Variants in KIAA0825 observed in about 807,000 individuals in gnomAD.
KIAA0825 encodes the protein KIAA0825.
KIAA0825 carries 119 observed loss-of-function variants against 147.6 expected under a neutral mutation model. The observed-to-expected ratio is 0.81, with a 90% confidence interval of 0.69 to 0.94. The LOEUF is 0.94. Ranked by LOEUF, KIAA0825 falls within the 40% of genes least tolerant of loss-of-function variation. The pLI is 0.00. For missense variants in KIAA0825, 1,381 were observed against 1,472.7 expected (o/e 0.94, Z 1.02); for synonymous variants, 470 against 518.1 (o/e 0.91, Z 1.26).
intron 20 of KIAA0825, among the ~76,000 whole-genome samples, chr5:94,314,191 G>T (rs943224676): frequency 6.6e-6 from 1 of 151,610 alleles, no homozygotes; most frequent in Admixed American, 6.6e-5. Flanking sequence ...TGAAAGCAAA[G>T]GTGGCAATTA....
rs184316220 is a variant in KIAA0825, at chr5:94,236,910, C to T, written c.3711-82786G>A. ...ATGCTATTGCACACTTAATAGACTA[C>T]AGTATAGTGTAAACGTAAGTGTTAT... is the stretch of plus-strand genomic sequence containing the variant. On this transcript the variant is annotated intron_variant, in intron 20 of 20. Transcript: ENST00000682413. 2.0e-5 allele frequency among the ~76,000 whole-genome samples: 3 copies of T among 152,268 alleles called. No homozygotes were observed. In the East Asian group the frequency reaches 5.8e-4, roughly 29 times the overall value.
intron 14 of KIAA0825, among the ~76,000 whole-genome samples, chr5:94,422,745 A>G (rs1048596995): frequency 3.3e-5 from 5 of 152,122 alleles, no homozygotes; most frequent in Non-Finnish European, 7.3e-5. Context: ...AGTGAAAGAG[A>G]TGAATGTCAA....
chr5:94,606,846 CAGGAGGCTTACA>C, intron 1 of KIAA0825, among the ~76,000 whole-genome samples: 1 of 152,266 alleles, frequency 6.6e-6, no homozygotes, highest in South Asian at 2.1e-4. Context: ...GGTGAGGCCT[CAGGAGGCTTACA>C]GTCATGGCAG....
intron 14 of KIAA0825, among the ~76,000 whole-genome samples, chr5:94,421,312 G>A (rs904116988): frequency 6.6e-6 from 1 of 152,260 alleles, no homozygotes; most frequent in African/African-American, 2.4e-5. Flanking sequence ...CCCCAGAACA[G>A]TGGCCTTAGC....
At chr5:94,287,239 G>A (rs1045995561) in intron 20 of KIAA0825, among the ~76,000 whole-genome samples, 31 of 152,070 alleles carry the variant, frequency 2.0e-4, no homozygotes, top group African/African-American at 6.8e-4. Context: ...TCAGTCTTCC[G>A]ACTGATAGCT....
intron 3 of KIAA0825, among the ~76,000 whole-genome samples, chr5:94,526,945 A>G (rs769034563): frequency 1.3e-5 from 2 of 151,990 alleles, no homozygotes; most frequent in Non-Finnish European, 2.9e-5. Flanking sequence ...GGGAGGTGTA[A>G]AAAGGTTTTT....
Position 94,550,585 on chromosome 5 carries a change from G to A in KIAA0825, c.-1-13458C>T, listed in dbSNP as rs548695636. 3.9e-4 allele frequency among the ~76,000 whole-genome samples: 60 copies of A among 152,296 alleles called. 1 individual carries two copies. Among genetic ancestry groups the A allele is most frequent in the African/African-American group, 1.4e-3 (59 of 41,548 alleles). ...CAATAATTCACGGTAGCTCACACCT[G>A]TAATCCCAGCACTTTGGGAGGCCGA... On this transcript the variant is annotated intron_variant, in intron 2 of 20. Transcript: ENST00000682413.
intron 20 of KIAA0825, among the ~76,000 whole-genome samples, chr5:94,196,316 C>G (rs931056789): frequency 1.1e-4 from 17 of 152,126 alleles, no homozygotes; most frequent in Admixed American, 5.2e-4. Flanking sequence ...ATCTTGAGGT[C>G]AGCTTTTGGA....
At chr5:94,558,848 A>T (rs1402806702) in intron 2 of KIAA0825, among the ~76,000 whole-genome samples, 1 of 152,246 alleles carries the variant, frequency 6.6e-6, no homozygotes, top group Non-Finnish European at 1.5e-5. Flanking sequence ...TACCGGGAAG[A>T]AAGCAATGTC....
Position 94,520,280 on chromosome 5 carries a change from G to C in KIAA0825, c.938C>G (p.Ser313Cys). The C allele has an allele frequency of 6.2e-7, 1 of 1,612,750 alleles. No individual in the cohort carries two copies. The highest frequency in any genetic ancestry group is 8.5e-7 in the Non-Finnish European group (1 of 1,179,246). Residue 313 changes from serine (S) to cysteine (C), a missense_variant, in exon 5 of 21, where the codon TCC (serine) becomes TGC (cysteine). Coordinates refer to ENST00000682413, the MANE Select transcript of KIAA0825 (RefSeq NM_001145678.3). ...AVRVVKTSKS[S>C]SKHRGAVHAL... is the part of the protein sequence containing the mutation. ...ATGCACTGCTCCTCTATGCTTGCTGGAGCTCTTGCTTGTTTTAACCACACG... is the reference window on the plus strand; with the variant it reads ...ATGCACTGCTCCTCTATGCTTGCTGCAGCTCTTGCTTGTTTTAACCACACG...
At chr5:94,244,063 C>T (rs1381842872) in intron 20 of KIAA0825, among the ~76,000 whole-genome samples, 5 of 152,108 alleles carry the variant, frequency 3.3e-5, no homozygotes, top group Admixed American at 6.6e-5. Context: ...GGTATTAGCA[C>T]GGGGTTCTGG....
Position 94,364,271 on chromosome 5 carries a change from G to A in KIAA0825, c.3710+20097C>T, listed in dbSNP as rs533027106. Among the ~76,000 whole-genome samples, 4 of 152,012 alleles carry A rather than the reference G, an allele frequency of 2.6e-5. No homozygotes were observed. The East Asian group carries it at 7.7e-4, about 29-fold the overall frequency. On this transcript the variant is annotated intron_variant, in intron 20 of 20. Coordinates refer to ENST00000682413, the MANE Select transcript of KIAA0825 (RefSeq NM_001145678.3). The stretch of plus-strand genomic sequence containing the variant: ...GGAGGGCCTGAGTGGGTCTTCGACG[G>A]GCAGAGTAGGGGGTGATGACAGTCA...
chr5:94,482,011 C>A (rs753831017), intron 6 of KIAA0825, among the ~76,000 whole-genome samples: 1 of 152,032 alleles, frequency 6.6e-6, no homozygotes, highest in Admixed American at 6.6e-5. Flanking sequence ...ACGGCCACTC[C>A]ATAAGATATC....
At chr5:94,439,949 T>A in intron 14 of KIAA0825, 33 bp downstream of exon 14, 1 of 1,528,142 alleles carries the variant, frequency 6.5e-7, no homozygotes, top group East Asian at 2.5e-5. Context: ...GACTAGGTTT[T>A]TCGAGGACAT....
At chr5:94,489,887 CAAAAA>C (rs747717616) in intron 5 of KIAA0825, among the ~76,000 whole-genome samples, 1 of 58,174 alleles carries the variant, frequency 1.7e-5, no homozygotes, top group Non-Finnish European at 3.6e-5. Context: ...GACTCTGTCT[CAAAAA>C]AAAAAAAAAA....
intron 1 of KIAA0825, among the ~76,000 whole-genome samples, chr5:94,617,697 C>T (rs957157266): frequency 6.6e-6 from 1 of 152,164 alleles, no homozygotes; most frequent in Admixed American, 6.5e-5. Context: ...GAGAAGTCGC[C>T]AAGGTTCACT....
At chr5:94,304,132 A>G (rs1778574870) in intron 20 of KIAA0825, among the ~76,000 whole-genome samples, 1 of 152,082 alleles carries the variant, frequency 6.6e-6, no homozygotes, top group South Asian at 2.1e-4. Flanking sequence ...AAACCTGAAT[A>G]TATTTATGGG....
chr5:94,456,048 G>C (rs890910510), intron 12 of KIAA0825, among the ~76,000 whole-genome samples: 2 of 152,158 alleles, frequency 1.3e-5, no homozygotes, highest in Non-Finnish European at 2.9e-5. Flanking sequence ...GATACAGCAA[G>C]TGGCCTGGAG....
intron 5 of KIAA0825, among the ~76,000 whole-genome samples, chr5:94,494,891 T>A (rs1277266563): frequency 6.6e-6 from 1 of 152,178 alleles, no homozygotes; most frequent in Non-Finnish European, 1.5e-5. Flanking sequence ...CAATATAACA[T>A]GTTAAAAATT....
Sources: allele counts gnomAD v4.1 joint callset (sites outside exome capture counted in the v4.1 genomes callset), GRCh38; gene constraint gnomAD v4.1.1; transcripts MANE v1.5; gene names NCBI Gene and HGNC (gene_info 2026-07-23, HGNC 2026-07-21).